RPS6KA2: variants seen among roughly 807,000 people sequenced by gnomAD.
The protein encoded by RPS6KA2 is ribosomal protein S6 kinase alpha-2.
A neutral mutation model predicts 91.8 loss-of-function variants in RPS6KA2; 42 were observed. The observed-to-expected ratio is 0.46, with a 90% CI of 0.36 to 0.59. The LOEUF is 0.59. RPS6KA2 is among the 20% of genes least tolerant of loss of function. The probability of loss-of-function intolerance (pLI) is 0.00; values close to 1 mark genes in which losing one functional copy is unlikely to be tolerated. For synonymous variants in RPS6KA2, 414 were observed against 393.6 expected, an observed-to-expected ratio of 1.05 and a Z score of -0.61; for missense variants, 798 against 978.5, an observed-to-expected ratio of 0.82 and a Z score of 2.46.
intron 11 of RPS6KA2, among the ~76,000 whole-genome samples, chr6:166,461,593 GAGGGGA>G (rs1780304026): frequency 7.8e-6 from 1 of 127,838 alleles, no homozygotes. Flanking sequence ...GGGGGAGGGG[GAGGGGA>G]AGGGGGTAAG....
chr6:166,671,899 G>T (rs575174995), intron 2 of RPS6KA2, among the ~76,000 whole-genome samples: 2 of 152,250 alleles, frequency 1.3e-5, no homozygotes, highest in South Asian at 4.2e-4. Flanking sequence ...AGCTCACCGA[G>T]GTTCAGATTC....
At chr6:166,782,713 A>G (rs1778801317) in intron 2 of RPS6KA2, among the ~76,000 whole-genome samples, 1 of 152,152 alleles carries the variant, frequency 6.6e-6, no homozygotes, top group African/African-American at 2.4e-5. Flanking sequence ...TGGCCAGGAG[A>G]GAGCCGGGGC....
In RPS6KA2 at chr6:166,857,916, C is replaced by A. The variant is rs76783157; in HGVS notation, c.123+284G>T. Reference sequence around the variant, plus strand: ...TTGACTGGTACTAATGCACCATGACCCTCACAAGTGCCCATGCCAGGAGAC... The same window carrying A: ...TTGACTGGTACTAATGCACCATGACACTCACAAGTGCCCATGCCAGGAGAC... On this transcript the variant is annotated intron_variant, in intron 2 of 21. Coordinates refer to the RPS6KA2 transcript ENST00000503859. 6.8e-3 allele frequency among the ~76,000 whole-genome samples: 1,033 copies of A among 152,340 alleles called. 11 individuals carry two copies. Among genetic ancestry groups the A allele is most frequent in the African/African-American group, 0.024 (982 of 41,582 alleles).
intron 14 of RPS6KA2, among the ~76,000 whole-genome samples, chr6:166,442,478 C>T (rs1224944773): frequency 1.3e-5 from 2 of 152,208 alleles, no homozygotes; most frequent in African/African-American, 4.8e-5. Context: ...AATAATTACA[C>T]CGTGGGATGC....
intron 1 of RPS6KA2, chr6:166,586,300 C>A: frequency 1.3e-6 from 2 of 1,598,818 alleles, no homozygotes; most frequent in Non-Finnish European, 1.7e-6. Flanking sequence ...TGTCTGTTGT[C>A]TTGCAACCGA....
In RPS6KA2 at chr6:166,521,446, A is replaced by G. The variant is rs568116471; in HGVS notation, c.298+9786T>C. On this transcript the variant is annotated intron_variant, in intron 3 of 20. Coordinates refer to ENST00000265678, the MANE Select transcript of RPS6KA2 (RefSeq NM_021135.6). ...CAAAGAGGATTATTCTGGAGTCTTG[A>G]GGTTCCATGTTATTTTCTCTGTTGG... is the stretch of plus-strand genomic sequence containing the variant. Among the ~76,000 whole-genome samples the G allele has an allele frequency of 2.0e-4, 30 of 152,314 alleles. 2 individuals are homozygous for G. The South Asian group carries it at 2.3e-3, about 12-fold the overall frequency.
At chr6:166,425,747 G>T (rs900368010) in intron 16 of RPS6KA2, among the ~76,000 whole-genome samples, 10 of 152,112 alleles carry the variant, frequency 6.6e-5, no homozygotes, top group African/African-American at 2.4e-4. Context: ...AACAAGAAGA[G>T]CTAACTATCC....
intron 1 of RPS6KA2, among the ~76,000 whole-genome samples, chr6:166,591,236 G>A (rs973241043): frequency 6.6e-6 from 1 of 152,084 alleles, no homozygotes; most frequent in Admixed American, 6.5e-5. Flanking sequence ...GGGCACCTCG[G>A]AAAGATGTTA....
At chr6:166,463,373 C>A (rs3817789) in intron 11 of RPS6KA2, 2 of 151,968 alleles carry the variant, frequency 1.3e-5, no homozygotes, top group Admixed American at 6.6e-5. Context: ...CTGGATCCCC[C>A]CTTTCTGAGA....
chr6:166,764,085 A>G (rs1778242348), intron 2 of RPS6KA2, among the ~76,000 whole-genome samples: 1 of 152,152 alleles, frequency 6.6e-6, no homozygotes, highest in South Asian at 2.1e-4. Flanking sequence ...GGGGCTTCTG[A>G]GTGCCCTGTG....
At chr6:166,660,757 G>A (rs556283284) in intron 2 of RPS6KA2, among the ~76,000 whole-genome samples, 13 of 152,214 alleles carry the variant, frequency 8.5e-5, no homozygotes, top group African/African-American at 1.7e-4. Flanking sequence ...TCTAGCAGGC[G>A]TTTCCTCGGG....
chr6:166,782,027 C>T (rs1315007222), intron 2 of RPS6KA2, among the ~76,000 whole-genome samples: 2 of 152,220 alleles, frequency 1.3e-5, no homozygotes, highest in Non-Finnish European at 2.9e-5. Flanking sequence ...TGGTGACTCA[C>T]ACCTGTAATC....
intron 2 of RPS6KA2, among the ~76,000 whole-genome samples, chr6:166,745,763 G>A (rs1790988177): frequency 1.3e-5 from 2 of 152,208 alleles, no homozygotes; most frequent in African/African-American, 4.8e-5. Flanking sequence ...TCTACCTCGG[G>A]TGTGTGAGGC....
rs944869238 is a variant in RPS6KA2, at chr6:166,648,176, A to G, written c.124-109392T>C. Among the ~76,000 whole-genome samples the G allele has an allele frequency of 3.3e-5, 5 of 150,846 alleles. No homozygotes were observed. The highest frequency in any genetic ancestry group is 4.4e-5 in the Non-Finnish European group (3 of 67,718). On this transcript the variant is annotated intron_variant, in intron 2 of 21. Coordinates refer to the RPS6KA2 transcript ENST00000503859. The surrounding 1 kb of genome is among the most constrained non-coding windows in gnomAD (Gnocchi z 4.8). ...GTTACACACCCATGCACACATGCTC[A>G]CACACATGCACACATGCTCATACAC...
intron 2 of RPS6KA2, among the ~76,000 whole-genome samples, chr6:166,774,365 G>A (rs1778558355): frequency 6.6e-6 from 1 of 152,236 alleles, no homozygotes; most frequent in Non-Finnish European, 1.5e-5. Flanking sequence ...AGTGAAATTA[G>A]TGCATGGGAT....
intron 2 of RPS6KA2, among the ~76,000 whole-genome samples, chr6:166,764,126 G>A (rs1306375651): frequency 3.3e-5 from 5 of 152,172 alleles, no homozygotes; most frequent in South Asian, 2.1e-4. Flanking sequence ...TGAGGACCAC[G>A]CGGTGCTGGG....
chr6:166,618,904 G>A (rs913026618), intron 1 of RPS6KA2, among the ~76,000 whole-genome samples: 1 of 152,022 alleles, frequency 6.6e-6, no homozygotes, highest in Non-Finnish European at 1.5e-5. Context: ...AACCCTGAGA[G>A]ACACACTGGA....
chr6:166,447,396 TA>T, intron 14 of RPS6KA2, among the ~76,000 whole-genome samples: 1 of 152,332 alleles, frequency 6.6e-6, no homozygotes, highest in East Asian at 1.9e-4. Context: ...TCTCCATATT[TA>T]AACTTTCTTT....
chr6:166,858,374 A>G (rs1189780460), intron 1 of RPS6KA2: 1 of 666,746 alleles, frequency 1.5e-6, no homozygotes, highest in Non-Finnish European at 2.7e-6. Context: ...TGATTTCTGT[A>G]GGACATGGAA....
Sources: gnomAD v4.1 joint callset for allele counts (sites outside exome capture counted in the v4.1 genomes callset) on GRCh38, gnomAD v4.1.1 for gene constraint, Gnocchi (gnomAD v3.1) non-coding constraint, MANE v1.5 for transcripts, NCBI Gene and HGNC (gene_info 2026-07-23, HGNC 2026-07-21) for gene names.